PTK2: variants seen among roughly 807,000 people sequenced by gnomAD.
PTK2 encodes focal adhesion kinase 1.
A neutral mutation model predicts 150.1 loss-of-function variants in PTK2; 45 were observed. The observed-to-expected ratio is 0.30, with a 90% CI of 0.24 to 0.38. PTK2 has a LOEUF of 0.38. Among genes scored for constraint, PTK2 ranks in the 10% least tolerant of loss-of-function variants. PTK2 has a pLI of 1.00. For synonymous variants in PTK2, 432 were observed against 449.2 expected, an observed-to-expected ratio of 0.96 and a Z score of 0.48; for missense variants, 919 against 1,307.3, an observed-to-expected ratio of 0.70 and a Z score of 4.58.
At chr8:140,681,160 T>C (rs1041587210) in intron 27 of PTK2, among the ~76,000 whole-genome samples, 8 of 144,104 alleles carry the variant, frequency 5.6e-5, no homozygotes, top group African/African-American at 1.8e-4. Context: ...AGGTCAGGAG[T>C]TCAAGACGAG....
chr8:140,949,473 G>A (rs571110170), intron 1 of PTK2, among the ~76,000 whole-genome samples: 2 of 152,342 alleles, frequency 1.3e-5, no homozygotes, highest in Admixed American at 6.5e-5. Flanking sequence ...GTTCTTAGGG[G>A]TCCGGGAAGC....
At chr8:140,663,074 G>T in intron 31 of PTK2, 1 of 264,166 alleles carries the variant, frequency 3.8e-6, no homozygotes, top group Admixed American at 5.4e-5. Context: ...GTGGGACAGT[G>T]CATTACATCA....
chr8:140,675,433 T>G (rs776313055), intron 28 of PTK2, 27 bp downstream of exon 31: 1 of 1,607,326 alleles, frequency 6.2e-7, no homozygotes, highest in East Asian at 2.2e-5. Flanking sequence ...AACTAACTTC[T>G]TTCCGCCCAA....
At chr8:140,704,156 A>G (rs1354541953) in intron 24 of PTK2, among the ~76,000 whole-genome samples, 1 of 152,220 alleles carries the variant, frequency 6.6e-6, no homozygotes, top group Non-Finnish European at 1.5e-5. Flanking sequence ...AACATTTAGG[A>G]ATTTTCACAA....
chr8:140,855,590 G>A (rs994694654), intron 5 of PTK2, among the ~76,000 whole-genome samples: 3 of 151,796 alleles, frequency 2.0e-5, no homozygotes, highest in African/African-American at 7.3e-5. Context: ...GCAAGACTCT[G>A]TCTCAAAAAA....
chr8:140,920,832 G>A, intron 2 of PTK2: 1 of 1,522,358 alleles, frequency 6.6e-7, no homozygotes, highest in East Asian at 2.5e-5. Context: ...CAACACACTG[G>A]AAATGGACTA....
rs377698085 is a variant in PTK2, at chr8:140,701,234, A to C, written c.2368-212T>G. On this transcript the variant is annotated intron_variant, in intron 25 of 31. Transcript: ENST00000522684. ...AAAAGTATGCAATCCTTTAGCTCAC[A>C]GATTCACTTGTAAGGGTCTATTTTA... Among the ~76,000 whole-genome samples the C allele has an allele frequency of 4.9e-4, 75 of 152,342 alleles. 1 individual carries two copies. The East Asian group carries it at 9.3e-3, about 19-fold the overall frequency.
rs952767454 is a variant in PTK2 at position 140,846,156 on chromosome 8, A to G, written c.593+104T>C. 6.8e-6 allele frequency: 6 copies of G among 878,670 alleles called. No individual in the cohort carries two copies. In the African/African-American group the frequency reaches 1.0e-4, roughly 15 times the overall value. The allele number at this position is 878,670 out of a possible 1,614,324, so 54.4% of individuals were successfully genotyped here. A position where few individuals can be genotyped will look rare whatever the true frequency, so the allele number is the denominator to read the frequency against. On this transcript the variant is annotated intron_variant, in intron 7 of 31. Coordinates refer to ENST00000522684, the Ensembl canonical transcript of PTK2. Reference sequence around the variant, plus strand: ...TGTCCTTTTCCTCTTCTGGATATAAAATTTTAGAAATAGCAGTGTTTCAGA... The same window carrying G: ...TGTCCTTTTCCTCTTCTGGATATAAGATTTTAGAAATAGCAGTGTTTCAGA...
At chr8:140,868,928 T>G (rs976877941) in intron 4 of PTK2, among the ~76,000 whole-genome samples, 1 of 152,208 alleles carries the variant, frequency 6.6e-6, no homozygotes, top group Non-Finnish European at 1.5e-5. Context: ...TTACTAGGAC[T>G]GTATCAATGT....
intron 13 of PTK2, among the ~76,000 whole-genome samples, chr8:140,791,577 G>T (rs1015229447): frequency 7.9e-5 from 12 of 152,144 alleles, no homozygotes; most frequent in Non-Finnish European, 1.6e-4. Context: ...GCTGGGGAGG[G>T]TAGACAAGTT....
chr8:140,681,549 G>C (rs776985470), intron 27 of PTK2, among the ~76,000 whole-genome samples: 1 of 140,604 alleles, frequency 7.1e-6, no homozygotes, highest in African/African-American at 3.1e-5. Context: ...AGGCGGGCAG[G>C]GGGGGATCAC....
At chr8:140,736,711 G>A in intron 21 of PTK2, among the ~76,000 whole-genome samples, 1 of 152,044 alleles carries the variant, frequency 6.6e-6, no homozygotes. Flanking sequence ...GCTACCTGTG[G>A]AACACGCCAA....
intron 16 of PTK2, among the ~76,000 whole-genome samples, chr8:140,757,664 G>C (rs1053519071): frequency 6.6e-6 from 1 of 152,112 alleles, no homozygotes; most frequent in Non-Finnish European, 1.5e-5. Flanking sequence ...CCAAGCAGGG[G>C]TATAAAATAA....
intron 9 of PTK2, 68 bp from the exon 10 acceptor site, chr8:140,818,422 C>T: frequency 7.2e-7 from 1 of 1,388,160 alleles, no homozygotes; most frequent in Middle Eastern, 1.8e-4. Flanking sequence ...AGATAAAGAG[C>T]CGTGGATATG....
intron 18 of PTK2, among the ~76,000 whole-genome samples, chr8:140,745,999 C>CAAAAAAAA (rs367643506): frequency 4.3e-5 from 3 of 69,792 alleles, no homozygotes; most frequent in African/African-American, 1.7e-4. Context: ...GACTCTGTCT[C>CAAAAAAAA]AAAAAAAAAA....
At chr8:140,659,382 G>A in exon 32 of PTK2, 1 of 1,258,352 alleles carries the variant, frequency 7.9e-7, no homozygotes, top group South Asian at 1.4e-5. Flanking sequence ...GGCGACTGAG[G>A]ACACAGGGTT....
chr8:140,960,775 A>G (rs2100182888), intron 1 of PTK2, among the ~76,000 whole-genome samples: 1 of 152,118 alleles, frequency 6.6e-6, no homozygotes, highest in Non-Finnish European at 1.5e-5. Flanking sequence ...TGAGGTCAGG[A>G]GTTAAGACCA....
chr8:140,936,309 G>A (rs2100173605), intron 1 of PTK2, among the ~76,000 whole-genome samples: 1 of 152,138 alleles, frequency 6.6e-6, no homozygotes, highest in African/African-American at 2.4e-5. Flanking sequence ...GTCAAGAGAA[G>A]ACAAACATGT....
At chr8:140,687,023 T>A in intron 26 of PTK2, 1 of 283,564 alleles carries the variant, frequency 3.5e-6, no homozygotes, top group Non-Finnish European at 6.6e-6. Flanking sequence ...GATAAAAATA[T>A]CAGGCATTAC....
Sources: gnomAD v4.1 joint callset for allele counts (sites outside exome capture counted in the v4.1 genomes callset) on GRCh38, gnomAD v4.1.1 for gene constraint, MANE v1.5 for transcripts, NCBI Gene and HGNC (gene_info 2026-07-23, HGNC 2026-07-21) for gene names.